CLVS2: variants seen among roughly 807,000 people sequenced by gnomAD.
CLVS2 encodes the protein clavesin 2, also known as clavesin-2.
Under a neutral mutation model 29.0 loss-of-function variants are expected in CLVS2, and 19 were observed. The observed-to-expected ratio is 0.66, with a 90% CI of 0.46 to 0.96. The LOEUF is 0.96. CLVS2 is among the 40% of genes least tolerant of loss of function. The pLI is 0.00. For synonymous variants in CLVS2, 161 were observed against 151.3 expected (o/e 1.06, Z -0.47); for missense variants, 294 against 404.1 (o/e 0.73, Z 2.34).
intron 3 of CLVS2, among the ~76,000 whole-genome samples, chr6:123,016,339 T>TTGG (rs1554201393): frequency 1.5e-5 from 2 of 130,506 alleles, no homozygotes; most frequent in Non-Finnish European, 1.6e-5. Context: ...GTGCTTTTTT[T>TTGG]GGGGGGGAGG....
chr6:123,007,685 C>G (rs969103216), intron 2 of CLVS2, among the ~76,000 whole-genome samples: 2 of 152,112 alleles, frequency 1.3e-5, no homozygotes, highest in Non-Finnish European at 2.9e-5. Flanking sequence ...TGTAAAATTT[C>G]TTATTGGTGT....
In CLVS2 at chr6:123,071,244, A is replaced by G. The variant is rs1442304438; in HGVS notation, c.*7483A>G. On this transcript the variant is annotated 3_prime_UTR_variant, in exon 6 of 6. Transcript: ENST00000275162. ...AGCAAGTTATGTAACGGCCAATAGT[A>G]TGAATTGAAAGAGTTTCTTGTTGTC... 1 of 152,054 alleles carries G rather than the reference A, an allele frequency of 6.6e-6. No individual in the cohort carries two copies. Among genetic ancestry groups the G allele is most frequent in the African/African-American group, 2.4e-5 (1 of 41,444 alleles). The allele number at this position is 152,054 out of a possible 1,614,324, so 9.4% of individuals were successfully genotyped here. A position where few individuals can be genotyped will look rare whatever the true frequency, so the allele number is the denominator to read the frequency against.
intron 3 of CLVS2, among the ~76,000 whole-genome samples, chr6:123,027,926 G>C (rs1387013885): frequency 6.6e-6 from 1 of 152,160 alleles, no homozygotes; most frequent in African/African-American, 2.4e-5. Flanking sequence ...TTAATGTACT[G>C]TGCATTTACA....
intron 1 of CLVS2, 63 bp from the exon 2 acceptor site, chr6:122,997,156 C>G (rs4472366): frequency 0.41 from 68,226 of 166,158 alleles, 14,404 homozygotes; most frequent in Admixed American, 0.51. Context: ...TGAATAAGTA[C>G]AGGGAGAAAT....
intron 3 of CLVS2, among the ~76,000 whole-genome samples, chr6:123,035,410 T>C (rs969009248): frequency 1.3e-5 from 2 of 152,112 alleles, no homozygotes; most frequent in Non-Finnish European, 2.9e-5. Flanking sequence ...TATCAAAATC[T>C]GATCCAATGA....
intron 3 of CLVS2, among the ~76,000 whole-genome samples, chr6:123,038,224 T>C (rs1220463559): frequency 1.3e-5 from 2 of 152,198 alleles, no homozygotes; most frequent in Non-Finnish European, 2.9e-5. Flanking sequence ...TCCCTCCAAC[T>C]TTTCAATCTC....
chr6:123,046,650 C>T (rs1259226420), intron 3 of CLVS2, among the ~76,000 whole-genome samples: 2 of 88,480 alleles, frequency 2.3e-5, no homozygotes, highest in Non-Finnish European at 4.3e-5. Flanking sequence ...AGGAGTGAAA[C>T]TCAGTCTCAA....
rs2114380067 is a variant in CLVS2, at chr6:123,070,058, G to A, written c.*6297G>A. ...ATAAATTATTACCTAAAAGTTTTAT[G>A]AAATATAATTATTAAGTTTTAGTGC... On this transcript the variant is annotated 3_prime_UTR_variant, in exon 6 of 6. Transcript: ENST00000275162. 6.6e-6 allele frequency: 1 copy of A among 151,952 alleles called. No individual in the cohort carries two copies. The highest frequency in any genetic ancestry group is 1.9e-4 in the East Asian group (1 of 5,172). 9.4% of individuals were successfully genotyped at this position (151,952 alleles called of 1,614,324 possible).
rs1204313488 is a variant in CLVS2, at chr6:123,064,909, C to T, written c.*1148C>T. The T allele has an allele frequency of 6.6e-6, 1 of 151,696 alleles. No individual in the cohort carries two copies. The highest frequency in any genetic ancestry group is 2.4e-5 in the African/African-American group (1 of 41,360). 9.4% of individuals were successfully genotyped at this position (151,696 alleles called of 1,614,324 possible). A position where few individuals can be genotyped will look rare whatever the true frequency, so the allele number is the denominator to read the frequency against. On this transcript the variant is annotated 3_prime_UTR_variant, in exon 6 of 6. Coordinates refer to ENST00000275162, the MANE Select transcript of CLVS2 (RefSeq NM_001010852.4). The stretch of plus-strand genomic sequence containing the variant: ...TTATAATGCAATCTTACATATGTGC[C>T]ATCTTATTTGAACTATATTTTTCCT...
intron 4 of CLVS2, among the ~76,000 whole-genome samples, chr6:123,050,506 C>T (rs1178860720): frequency 8.6e-5 from 13 of 151,970 alleles, no homozygotes; most frequent in Admixed American, 5.9e-4. Context: ...GAGCCGGATA[C>T]GTGAATTTAT....
chr6:123,021,906 G>A (rs919217273), intron 3 of CLVS2, among the ~76,000 whole-genome samples: 1 of 151,998 alleles, frequency 6.6e-6, no homozygotes, highest in African/African-American at 2.4e-5. Flanking sequence ...ATTGTTGCTA[G>A]TATGTATCTT....
At position 122,997,871 on chromosome 6, in the gene CLVS2, C is replaced by A; in HGVS notation, c.94C>A (p.Gln32Lys). ...CCCAGACACGCTGCACCAGGACATC[C>A]AGGAGGTGAGGGATATGGTCATCAC... ...ENPDTLHQDI[Q>K]EVRDMVITRP... The change falls in exon 2 of 6, where the codon CAG becomes AAG. Residue 32 changes from glutamine to lysine, a missense_variant. Coordinates refer to ENST00000275162, the MANE Select transcript of CLVS2 (RefSeq NM_001010852.4). 1 of 1,614,192 alleles carries A rather than the reference C, an allele frequency of 6.2e-7. No individual in the cohort carries two copies.
At chr6:123,010,128 C>G (rs1027228170) in intron 2 of CLVS2, among the ~76,000 whole-genome samples, 1 of 151,962 alleles carries the variant, frequency 6.6e-6, no homozygotes, top group Non-Finnish European at 1.5e-5. Flanking sequence ...TTACTCTTCC[C>G]TAATTTCAGT....
chr6:123,021,343 C>A (rs138138076), intron 3 of CLVS2, among the ~76,000 whole-genome samples: 1 of 152,030 alleles, frequency 6.6e-6, no homozygotes, highest in Admixed American at 6.6e-5. Context: ...GATTTTATTA[C>A]CTTTTTTGTT....
At chr6:123,038,931 TGGAC>T (rs1437853954) in intron 3 of CLVS2, among the ~76,000 whole-genome samples, 3 of 152,198 alleles carry the variant, frequency 2.0e-5, no homozygotes, top group African/African-American at 7.2e-5. Flanking sequence ...AGCAACATTA[TGGAC>T]ATAACAAGTA....
chr6:123,020,121 A>C (rs1376500563), intron 3 of CLVS2, among the ~76,000 whole-genome samples: 1 of 152,070 alleles, frequency 6.6e-6, no homozygotes, highest in Non-Finnish European at 1.5e-5. Flanking sequence ...CAAACACCTG[A>C]GCACCCCTTG....
At chr6:123,012,417 T>C (rs1310139729) in intron 3 of CLVS2, among the ~76,000 whole-genome samples, 1 of 151,970 alleles carries the variant, frequency 6.6e-6, no homozygotes, top group African/African-American at 2.4e-5. Flanking sequence ...ATTTAACCTG[T>C]GTCTTCTCTT....
intron 2 of CLVS2, among the ~76,000 whole-genome samples, chr6:122,999,840 T>G (rs1774563614): frequency 6.6e-6 from 1 of 152,174 alleles, no homozygotes; most frequent in African/African-American, 2.4e-5. Context: ...ATATCAGACC[T>G]ATTTTCATGA....
chr6:123,008,894 T>C (rs1479766223), intron 2 of CLVS2, among the ~76,000 whole-genome samples: 2 of 152,080 alleles, frequency 1.3e-5, no homozygotes, highest in Non-Finnish European at 2.9e-5. Context: ...AGCAGAGCTC[T>C]ATAAAAAGTT....
Sources: gnomAD v4.1 joint callset for allele counts (sites outside exome capture counted in the v4.1 genomes callset) on GRCh38, gnomAD v4.1.1 for gene constraint, MANE v1.5 for transcripts, NCBI Gene and HGNC (gene_info 2026-07-23, HGNC 2026-07-21) for gene names.